The following PNMA8A variants were observed in gnomAD, a reference collection of about 807,000 sequenced individuals.
PNMA8A encodes paraneoplastic antigen-like protein 8A.
In PNMA8A, 17 loss-of-function variants were observed where a neutral mutation model predicts 26.6. The ratio of observed to expected loss-of-function variants is 0.64; its 90% CI spans 0.44 to 0.96. PNMA8A has a LOEUF of 0.96. PNMA8A is among the 40% of genes least tolerant of loss of function. The pLI, the probability that PNMA8A is intolerant of heterozygous loss-of-function variation, is 0.00. For missense variants in PNMA8A, 532 were observed against 488.4 expected (o/e 1.09, Z -0.84); for synonymous variants, 224 against 182.0 (o/e 1.23, Z -1.86).
In PNMA8A at chr19:46,470,448, CA is replaced by C. The variant is rs1969772270; in HGVS notation, c.587del (p.Val196GlyfsTer15). The C allele has an allele frequency of 1.2e-6, 2 of 1,614,008 alleles. No individual in the cohort carries two copies. The highest frequency in any genetic ancestry group is 1.7e-6 in the Non-Finnish European group (2 of 1,180,044). On this transcript the variant is annotated frameshift_variant, in exon 2 of 3. Coordinates refer to ENST00000313683, the MANE Select transcript of PNMA8A (RefSeq NM_018215.4). LOFTEE classifies it high-confidence loss of function. ...AAWALAAGRK[V>X]KKEPGLAAEV... ...CTGCTGCAAGCCCCGGTTCTTTCTT[CA>C]CCTTCCTCCCTGCTGCTAAAGCCCA... is the stretch of plus-strand genomic sequence containing the variant.
rs753734613 is a variant in PNMA8A, at chr19:46,469,761, T to C, written c.1275A>G (p.Pro425=). ...ASTSRGPKAK[P]EGSPRRATNE... ...TGGTGGCACGCCGAGGAGAGCCTTCTGGCTTGGCCTTCGGACCCCTAGAGG... is the reference window on the plus strand; with the variant it reads ...TGGTGGCACGCCGAGGAGAGCCTTCCGGCTTGGCCTTCGGACCCCTAGAGG... The change falls in exon 2 of 3, where the codon CCA becomes CCG. Residue 425 remains proline, a synonymous_variant. Coordinates refer to ENST00000313683, the MANE Select transcript of PNMA8A (RefSeq NM_018215.4). The C allele has an allele frequency of 1.2e-6, 2 of 1,610,848 alleles. No homozygotes were observed. Among genetic ancestry groups the C allele is most frequent in the Non-Finnish European group, 1.7e-6 (2 of 1,179,058 alleles).
Position 46,470,269 on chromosome 19 carries a change from G to A in PNMA8A, c.767C>T (p.Pro256Leu). The change falls in exon 2 of 3, where the codon CCC becomes CTC. Residue 256 changes from proline to leucine, a missense_variant. Pro to Leu is a moderately conservative substitution (Grantham distance 98, BLOSUM62 -3). Transcript: ENST00000313683. ...QKKNSRQEAVPWKKPKGINSN... is the reference protein window; with the variant it reads ...QKKNSRQEAVLWKKPKGINSN... ...ATTGATGCCTTTGGGTTTTTTCCAG[G>A]GCACTGCTTCCTGCCTGGAGTTCTT... The A allele has an allele frequency of 6.2e-7, 1 of 1,613,826 alleles. No homozygotes were observed. The highest frequency in any genetic ancestry group is 1.3e-5 in the African/African-American group (1 of 75,066).
Position 46,470,139 on chromosome 19 carries a change from C to T in PNMA8A, c.897G>A (p.Glu299=), listed in dbSNP as rs79031403. The change falls in exon 2 of 3, where the codon GAG becomes GAA. Residue 299 remains glutamate (E), a synonymous_variant. Coordinates refer to ENST00000313683, the MANE Select transcript of PNMA8A (RefSeq NM_018215.4). ...KGSRKPCVNK[E]ELALKKPMAK... ...CCATGGGCTTCTTCAAAGCCAACTC[C>T]TCCTTATTCACACAGGGCTTTCTGC... The T allele has an allele frequency of 1.3e-3, 2,152 of 1,612,226 alleles. 21 individuals carry two copies. In the African/African-American group the frequency reaches 0.021, roughly 16 times the overall value.
rs2147466083 is a variant in PNMA8A at position 46,470,260 on chromosome 19, T to G, written c.776A>C (p.Lys259Thr). The G allele has an allele frequency of 6.2e-7, 1 of 1,613,968 alleles. No individual in the cohort carries two copies. Among genetic ancestry groups the G allele is most frequent in the East Asian group, 2.2e-5 (1 of 44,880 alleles). ...GCTGTTGGAATTGATGCCTTTGGGT[T>G]TTTTCCAGGGCACTGCTTCCTGCCT... is the stretch of plus-strand genomic sequence containing the variant. The part of the protein sequence containing the change: ...NSRQEAVPWK[K>T]PKGINSNSTA... The change falls in exon 2 of 3, where the codon AAA becomes ACA. Residue 259 changes from lysine (K) to threonine (T), a missense_variant. Lys to Thr is a moderately conservative substitution (Grantham distance 78). Transcript: ENST00000313683.
intron 2 of PNMA8A, 75 bp downstream of exon 2, chr19:46,469,658 C>G (rs1345590555): frequency 4.1e-6 from 6 of 1,464,062 alleles, no homozygotes; most frequent in Non-Finnish European, 3.6e-6. Flanking sequence ...CTCCTCTGCC[C>G]CACCTGCCAC....
Position 46,469,898 on chromosome 19 carries a change from C to G in PNMA8A, c.1138G>C (p.Glu380Gln), listed in dbSNP as rs139205498. 139 of 1,614,134 alleles carry G rather than the reference C, an allele frequency of 8.6e-5. No individual in the cohort carries two copies. Among genetic ancestry groups the G allele is most frequent in the Non-Finnish European group, 1.1e-4 (134 of 1,180,054 alleles). ...ATCACCGGCTTCTTCCTGCCATCTTCTGAGTCAACCAAGACGTAGGAGACA... is the reference window on the plus strand; with the variant it reads ...ATCACCGGCTTCTTCCTGCCATCTTGTGAGTCAACCAAGACGTAGGAGACA... The part of the protein sequence containing the change: ...GPVSYVLVDS[E>Q]DGRKKPVMPK... Residue 380 changes from glutamate to glutamine, a missense_variant, in exon 2 of 3, where the codon GAA becomes CAA. Transcript: ENST00000313683.
Position 46,469,961 on chromosome 19 carries a change from C to T in PNMA8A, c.1075G>A (p.Ala359Thr), listed in dbSNP as rs556333706. 78 of 1,613,456 alleles carry T rather than the reference C, an allele frequency of 4.8e-5. 1 individual carries two copies. The South Asian group carries it at 7.3e-4, about 15-fold the overall frequency. Reference sequence around the variant, plus strand: ...ACCTTCTTCTTCTTCCTCATGGGAGCGGGGTTCTTGGCAGACACCCAGGCC... The same window carrying T: ...ACCTTCTTCTTCTTCCTCATGGGAGTGGGGTTCTTGGCAGACACCCAGGCC... ...AVAWVSAKNPAPMRKKKKVSL... is the reference protein window; with the variant it reads ...AVAWVSAKNPTPMRKKKKVSL... Residue 359 changes from alanine (A) to threonine (T), a missense_variant, in exon 2 of 3, where the codon GCT becomes ACT. Transcript: ENST00000313683.
In PNMA8A at chr19:46,469,746, C is replaced by T; in HGVS notation, c.1290G>A (p.Arg430=). ...TATCATTCTCACCATTGGTGGCACG[C>T]CGAGGAGAGCCTTCTGGCTTGGCCT... ...GPKAKPEGSP[R]RATNESRKV Residue 430 remains arginine, a synonymous_variant, in exon 2 of 3, where the codon CGG becomes CGA. Coordinates refer to ENST00000313683, the MANE Select transcript of PNMA8A (RefSeq NM_018215.4). 2 of 1,606,810 alleles carry T rather than the reference C, an allele frequency of 1.2e-6. No homozygotes were observed. The highest frequency in any genetic ancestry group is 2.7e-5 in the African/African-American group (2 of 74,602).
Position 46,470,095 on chromosome 19 carries a change from C to G in PNMA8A, c.941G>C (p.Gly314Ala). The G allele has an allele frequency of 6.3e-7, 1 of 1,597,522 alleles. No homozygotes were observed. Among genetic ancestry groups the G allele is most frequent in the Non-Finnish European group, 8.5e-7 (1 of 1,173,526 alleles). ...GGCATCCTGAGGTGGCTCTCTGGGA[C>G]CCTTCCAGGCACATTTCGCCATGGG... The part of the protein sequence containing the change: ...KKPMAKCAWK[G>A]PREPPQDARA... The change falls in exon 2 of 3, where the codon GGT (glycine) becomes GCT (alanine). Residue 314 changes from glycine to alanine, a missense_variant. By Grantham distance (60) the Gly-to-Ala change is moderately conservative (BLOSUM62 0). Transcript: ENST00000313683.
In PNMA8A at chr19:46,471,039, G is replaced by A. The variant is rs777198263; in HGVS notation, c.-4C>T. ...TCATCGCCATGGTCTTGGACATTTA[G>A]CGGCTCTGAACCTACTATGTGTAGT... is the stretch of plus-strand genomic sequence containing the variant. On this transcript the variant is annotated 5_prime_UTR_variant, in exon 2 of 3. Transcript: ENST00000313683. The A allele has an allele frequency of 5.3e-6, 4 of 759,332 alleles. No individual in the cohort carries two copies. Among genetic ancestry groups the A allele is most frequent in the African/African-American group, 3.4e-5 (2 of 58,544 alleles). 47.0% of individuals were successfully genotyped at this position (759,332 alleles called of 1,614,324 possible). A position where few individuals can be genotyped will look rare whatever the true frequency, so the allele number is the denominator to read the frequency against.
rs1256863280 is a variant in PNMA8A at position 46,470,687 on chromosome 19, C to G, written c.349G>C (p.Glu117Gln). ...ACCACATCCTCCCAGGTGCGCCCCT[C>G]GGCATCCAGGAATTCATTCAGATTT... ...LKNLNEFLDA[E>Q]GRTWEDVVRL... The change falls in exon 2 of 3, where the codon GAG (glutamate) becomes CAG (glutamine). Residue 117 changes from glutamate to glutamine, a missense_variant. Glu to Gln is a conservative substitution (Grantham distance 29). Transcript: ENST00000313683. The G allele has an allele frequency of 5.9e-6, 7 of 1,190,462 alleles. No individual in the cohort carries two copies. In the South Asian group the frequency reaches 7.2e-5, roughly 12 times the overall value. 73.7% of individuals were successfully genotyped at this position (1,190,462 alleles called of 1,614,324 possible).
At chr19:46,469,547 G>C (rs2147464916) in intron 2 of PNMA8A, among the ~76,000 whole-genome samples, 186 bp downstream of exon 2, 1 of 152,294 alleles carries the variant, frequency 6.6e-6, no homozygotes, top group East Asian at 1.9e-4. Context: ...GCTCCTGGAA[G>C]GGCGGTCTGG....
intron 2 of PNMA8A, 86 bp downstream of exon 2, chr19:46,469,647 G>T: frequency 7.1e-7 from 1 of 1,412,426 alleles, no homozygotes; most frequent in Non-Finnish European, 9.3e-7. Flanking sequence ...ACCTCCTCGG[G>T]CTCCTCTGCC....
chr19:46,468,704 C>A, intron 2 of PNMA8A, 127 bp from the exon 3 acceptor site: 2 of 746,242 alleles, frequency 2.7e-6, no homozygotes, highest in East Asian at 5.0e-5. Flanking sequence ...TAGAAAACTT[C>A]ACCCTTAAAG....
chr19:46,469,201 C>T (rs926006262), intron 2 of PNMA8A, among the ~76,000 whole-genome samples: 10 of 151,412 alleles, frequency 6.6e-5, no homozygotes, highest in Admixed American at 4.6e-4. Context: ...CTCCACCTCC[C>T]GGGTTCAAGA....
rs114679756 is a variant in PNMA8A, at chr19:46,469,820, G to A, written c.1216C>T (p.Arg406Trp). 2.0e-5 allele frequency: 32 copies of A among 1,614,222 alleles called. No homozygotes were observed. Among genetic ancestry groups the A allele is most frequent in the East Asian group, 6.7e-5 (3 of 44,876 alleles). The change falls in exon 2 of 3, where the codon CGG (arginine) becomes TGG (tryptophan). Residue 406 changes from arginine (R) to tryptophan (W), a missense_variant. Arg to Trp is a moderately radical substitution (Grantham distance 101). Coordinates refer to ENST00000313683, the MANE Select transcript of PNMA8A (RefSeq NM_018215.4). ...RREASDQKAP[R>W]GQQPAEATAS... Reference sequence around the variant, plus strand: ...GTTGCCTCGGCAGGCTGCTGGCCCCGAGGGGCCTTCTGATCTGATGCCTCC... The same window carrying A: ...GTTGCCTCGGCAGGCTGCTGGCCCCAAGGGGCCTTCTGATCTGATGCCTCC...
Position 46,471,121 on chromosome 19 carries a change from G to A in PNMA8A, c.-79-7C>T. 1 of 652,552 alleles carries A rather than the reference G, an allele frequency of 1.5e-6. No homozygotes were observed. The highest frequency in any genetic ancestry group is 2.5e-4 in the Middle Eastern group (1 of 3,924). 40.4% of individuals were successfully genotyped at this position (652,552 alleles called of 1,614,324 possible). On this transcript the variant is annotated splice_polypyrimidine_tract_variant and splice_region_variant and intron_variant, in intron 1 of 2. Transcript: ENST00000313683. ...CGGTCTCCAAACAGTAATCCTGCAA[G>A]GTGACAAGGGAGCGAGGTCACGTTC...
chr19:46,471,134 C>A lies in PNMA8A; in HGVS notation c.-79-20G>T. On this transcript the variant is annotated intron_variant, in intron 1 of 2. Transcript: ENST00000313683. ...GTAATCCTGCAAGGTGACAAGGGAGCGAGGTCACGTTCCCAGGAAGATGAC... is the reference window on the plus strand; with the variant it reads ...GTAATCCTGCAAGGTGACAAGGGAGAGAGGTCACGTTCCCAGGAAGATGAC... The A allele has an allele frequency of 3.2e-6, 2 of 630,782 alleles. No homozygotes were observed. The highest frequency in any genetic ancestry group is 2.6e-5 in the Admixed American group (1 of 38,804). 39.1% of individuals were successfully genotyped at this position (630,782 alleles called of 1,614,324 possible). A position where few individuals can be genotyped will look rare whatever the true frequency, so the allele number is the denominator to read the frequency against.
Position 46,468,259 on chromosome 19 carries a change from A to C in PNMA8A, c.*302T>G. On this transcript the variant is annotated 3_prime_UTR_variant, in exon 3 of 3. Transcript: ENST00000313683. ...GTAACAGTGACCCTGCTCATGCATA[A>C]AGGGGAATGAATGTTCTAGAATTTT... 2.4e-6 allele frequency: 1 copy of C among 422,502 alleles called. No homozygotes were observed. Among genetic ancestry groups the C allele is most frequent in the African/African-American group, 2.0e-5 (1 of 50,768 alleles). 26.2% of individuals were successfully genotyped at this position (422,502 alleles called of 1,614,324 possible). A position where few individuals can be genotyped will look rare whatever the true frequency, so the allele number is the denominator to read the frequency against.
Sources: gnomAD v4.1 joint callset for allele counts (sites outside exome capture counted in the v4.1 genomes callset) on GRCh38, gnomAD v4.1.1 for gene constraint, MANE v1.5 for transcripts, NCBI Gene and HGNC (gene_info 2026-07-23, HGNC 2026-07-21) for gene names.